RARS2: variants seen among roughly 807,000 people sequenced by gnomAD.
RARS2 encodes the protein arginyl-tRNA synthetase 2, mitochondrial.
Under a neutral mutation model 88.5 loss-of-function variants are expected in RARS2, and 67 were observed. The observed-to-expected ratio is 0.76, with a 90% CI of 0.62 to 0.93. The LOEUF is 0.93. RARS2 is among the 40% of genes least tolerant of loss of function. RARS2 has a pLI of 0.00. For synonymous variants in RARS2, 239 were observed against 230.3 expected (o/e 1.04, Z -0.34); for missense variants, 664 against 684.2 (o/e 0.97, Z 0.33).
intron 1 of RARS2, among the ~76,000 whole-genome samples, chr6:87,585,321 CAG>C (rs1261320632): frequency 6.6e-6 from 1 of 152,152 alleles, no homozygotes; most frequent in Non-Finnish European, 1.5e-5. Context: ...ATAGAGGAAA[CAG>C]ACACTAAAAC....
intron 17 of RARS2, 130 bp downstream of exon 17, chr6:87,518,039 G>C: frequency 6.4e-7 from 1 of 1,558,360 alleles, no homozygotes; most frequent in Non-Finnish European, 8.8e-7. Flanking sequence ...CACTTTTTAA[G>C]GCATACCTTT....
chr6:87,564,279 T>A, intron 2 of RARS2, 47 bp from the exon 3 acceptor site: 1 of 1,363,688 alleles, frequency 7.3e-7, no homozygotes, highest in Non-Finnish European at 1.0e-6. Context: ...CTTAAAAGCA[T>A]TAGTTGTTAA....
chr6:87,587,281 A>G (rs1209742714), intron 1 of RARS2, among the ~76,000 whole-genome samples: 4 of 152,202 alleles, frequency 2.6e-5, no homozygotes, highest in East Asian at 1.9e-4. Flanking sequence ...TCAGCACTCA[A>G]AAAGTTTCAA....
intron 17 of RARS2, among the ~76,000 whole-genome samples, chr6:87,517,149 G>A (rs932878741): frequency 5.3e-5 from 8 of 151,998 alleles, no homozygotes; most frequent in Non-Finnish European, 1.2e-4. Flanking sequence ...GTGGTGGCAC[G>A]CGCCTATAGT....
intron 2 of RARS2, among the ~76,000 whole-genome samples, chr6:87,567,737 C>T: frequency 6.6e-6 from 1 of 152,122 alleles, no homozygotes; most frequent in East Asian, 1.9e-4. Context: ...ATTTGTAGGC[C>T]AGAAAAATCT....
intron 4 of RARS2, among the ~76,000 whole-genome samples, chr6:87,556,674 C>G (rs1289543357): frequency 2.6e-5 from 4 of 151,400 alleles, no homozygotes; most frequent in African/African-American, 9.7e-5. Context: ...CGCCTGTAGT[C>G]CCAGCTACTT....
chr6:87,520,350 T>C (rs925724822), intron 12 of RARS2, 94 bp from the exon 13 acceptor site: 53 of 1,018,598 alleles, frequency 5.2e-5, no homozygotes, highest in Non-Finnish European at 7.6e-5. Context: ...ATTTGAGGTC[T>C]GACAGACTAA....
intron 1 of RARS2, 31 bp downstream of exon 1, chr6:87,589,891 G>A (rs1479426277): frequency 1.2e-6 from 2 of 1,614,214 alleles, no homozygotes; most frequent in East Asian, 2.2e-5. Context: ...TAGCTCCTCA[G>A]GGACTCCTCT....
intron 1 of RARS2, among the ~76,000 whole-genome samples, chr6:87,576,691 G>A (rs1771684066): frequency 6.6e-6 from 1 of 151,922 alleles, no homozygotes; most frequent in South Asian, 2.1e-4. Context: ...CTGGGTGTGG[G>A]GCATATAAGT....
At chr6:87,575,472 T>C (rs926963237) in intron 1 of RARS2, among the ~76,000 whole-genome samples, 5 of 152,152 alleles carry the variant, frequency 3.3e-5, no homozygotes, top group Non-Finnish European at 7.3e-5. Flanking sequence ...ACATACATAG[T>C]GTCTACCAGA....
chr6:87,589,858 C>T, intron 1 of RARS2, 64 bp downstream of exon 1: 1 of 1,612,890 alleles, frequency 6.2e-7, no homozygotes, highest in Non-Finnish European at 8.5e-7. Flanking sequence ...TGGCCCGCAG[C>T]GGTGAAAGGC....
chr6:87,548,671 CTCTAT>C, intron 5 of RARS2, 25 bp from the exon 6 acceptor site: 1 of 1,604,740 alleles, frequency 6.2e-7, no homozygotes, highest in South Asian at 1.1e-5. Flanking sequence ...GGAAACATTT[CTCTAT>C]TCTAAGACTT....
At chr6:87,555,858 C>G (rs1049520068) in intron 4 of RARS2, among the ~76,000 whole-genome samples, 6 of 152,194 alleles carry the variant, frequency 3.9e-5, no homozygotes, top group African/African-American at 1.4e-4. Flanking sequence ...CCAGAAGCAC[C>G]ATTTAACACT....
intron 8 of RARS2, among the ~76,000 whole-genome samples, chr6:87,538,724 C>T (rs1454830840): frequency 6.6e-6 from 1 of 151,966 alleles, no homozygotes; most frequent in Non-Finnish European, 1.5e-5. Flanking sequence ...TAGCAAGACC[C>T]TATTGTTATT....
chr6:87,588,766 G>C (rs1282841691), intron 1 of RARS2, among the ~76,000 whole-genome samples: 1 of 152,124 alleles, frequency 6.6e-6, no homozygotes, highest in African/African-American at 2.4e-5. Flanking sequence ...CGCTGTATCA[G>C]ATCAGAGTCC....
Position 87,514,398 on chromosome 6 carries a change from C to T in RARS2, c.*15G>A, listed in dbSNP as rs1472660013. 2 of 1,553,066 alleles carry T rather than the reference C, an allele frequency of 1.3e-6. No homozygotes were observed. The highest frequency in any genetic ancestry group is 1.1e-5 in the South Asian group (1 of 89,784). On this transcript the variant is annotated 3_prime_UTR_variant, in exon 20 of 20. Coordinates refer to ENST00000369536, the MANE Select transcript of RARS2 (RefSeq NM_020320.5). ...TAGAATTCACTTGACATTTTAAAAG[C>T]CATTTTAATGGAAATTACATCCTAC...
chr6:87,532,640 G>A (rs1158494305), intron 8 of RARS2, among the ~76,000 whole-genome samples: 1 of 152,144 alleles, frequency 6.6e-6, no homozygotes, highest in African/African-American at 2.4e-5. Flanking sequence ...CCCCATATAT[G>A]CCTTTTCCCT....
At position 87,530,890 on chromosome 6, in the gene RARS2, G is replaced by T. The variant is rs1777302393; in HGVS notation, c.665C>A (p.Ala222Glu). The T allele has an allele frequency of 6.2e-7, 1 of 1,614,018 alleles. No homozygotes were observed. The highest frequency in any genetic ancestry group is 1.7e-5 in the Admixed American group (1 of 59,990). Reference sequence around the variant, plus strand: ...CAATCGTTGGAAGAACTCCTGTGCTGCTTTTGCTACACTTTTATCATCTGC... The same window carrying T: ...CAATCGTTGGAAGAACTCCTGTGCTTCTTTTGCTACACTTTTATCATCTGC... ...EAADDKSVAK[A>E]AQEFFQRLEL... The change falls in exon 9 of 20, where the codon GCA becomes GAA. Residue 222 changes from alanine (A) to glutamate (E), a missense_variant. Transcript: ENST00000369536.
chr6:87,524,425 C>G, intron 11 of RARS2, 132 bp downstream of exon 11: 1 of 774,800 alleles, frequency 1.3e-6, no homozygotes, highest in Admixed American at 2.0e-5. Flanking sequence ...TTATGAAGTA[C>G]TTCAGTTTTA....
Sources: allele counts gnomAD v4.1 joint callset (sites outside exome capture counted in the v4.1 genomes callset), GRCh38; gene constraint gnomAD v4.1.1; transcripts MANE v1.5; gene names NCBI Gene and HGNC (gene_info 2026-07-23, HGNC 2026-07-21).